MAPT: variants seen among roughly 807,000 people sequenced by gnomAD.
MAPT encodes the protein microtubule-associated protein tau.
MAPT carries 34 observed loss-of-function variants against 67.9 expected under a neutral mutation model. The observed-to-expected ratio is 0.50, with a 90% CI of 0.38 to 0.67. The LOEUF (loss-of-function observed/expected upper bound fraction) is 0.67. Ranked by LOEUF, MAPT falls within the 30% of genes least tolerant of loss-of-function variation. MAPT has a pLI of 0.00. For missense variants in MAPT, 881 were observed against 1,115.2 expected, an observed-to-expected ratio of 0.79 and a Z score of 2.99; for synonymous variants, 456 against 464.5, an observed-to-expected ratio of 0.98 and a Z score of 0.23.
chr17:46,004,756 A>G (rs1174213152), intron 9 of MAPT, among the ~76,000 whole-genome samples: 2 of 152,174 alleles, frequency 1.3e-5, no homozygotes, highest in African/African-American at 2.4e-5. Flanking sequence ...AAAAAGCCAC[A>G]TGGAAAAAAA....
intron 1 of MAPT, among the ~76,000 whole-genome samples, chr17:45,949,897 A>G (rs2068887952): frequency 1.3e-5 from 2 of 152,324 alleles, no homozygotes; most frequent in South Asian, 4.1e-4. Flanking sequence ...TGGGAAACCT[A>G]CAGACCTGCT....
chr17:46,021,479 G>C (rs1054860698), intron 12 of MAPT, among the ~76,000 whole-genome samples: 1 of 152,198 alleles, frequency 6.6e-6, no homozygotes, highest in African/African-American at 2.4e-5. Context: ...TGACTGAGTG[G>C]GTCTGGATAG....
chr17:45,945,905 A>C (rs2068432885), intron 1 of MAPT, among the ~76,000 whole-genome samples: 1 of 152,240 alleles, frequency 6.6e-6, no homozygotes, highest in Non-Finnish European at 1.5e-5. Flanking sequence ...ATATGGTGCC[A>C]TGTAGGGAAA....
intron 1 of MAPT, among the ~76,000 whole-genome samples, chr17:45,946,598 T>TAAA (rs763910082): frequency 4.3e-4 from 26 of 60,882 alleles, no homozygotes; most frequent in East Asian, 1.1e-3. Flanking sequence ...GACTCTGTCT[T>TAAA]AAAAAAAAAA....
intron 2 of MAPT, among the ~76,000 whole-genome samples, chr17:45,963,087 G>T (rs2070635830): frequency 6.6e-6 from 1 of 152,168 alleles, no homozygotes; most frequent in African/African-American, 2.4e-5. Flanking sequence ...GTATTGATTA[G>T]CATGTAAAAT....
chr17:46,003,892 A>G (rs1224197065), intron 9 of MAPT, among the ~76,000 whole-genome samples: 14 of 152,316 alleles, frequency 9.2e-5, no homozygotes, highest in South Asian at 2.1e-4. Context: ...TGGGTTCATC[A>G]CTGTTTAAAG....
intron 1 of MAPT, among the ~76,000 whole-genome samples, chr17:45,960,707 C>T (rs1160136011): frequency 6.6e-6 from 1 of 152,164 alleles, no homozygotes; most frequent in Non-Finnish European, 1.5e-5. Context: ...AATCCCAACA[C>T]TTTGAGAGGC....
In MAPT at chr17:46,010,573, G is replaced by A. The variant is rs2075757485; in HGVS notation, c.2091+171G>A. Among the ~76,000 whole-genome samples, 1 of 152,186 alleles carries A rather than the reference G, an allele frequency of 6.6e-6. No homozygotes were observed. The highest frequency in any genetic ancestry group is 2.4e-5 in the African/African-American group (1 of 41,460). ...CCGGCTCCCCACATTCCCCCACACG[G>A]TCCACTGTTCCCAGAAGCCCCTTCC... On this transcript the variant is annotated intron_variant, in intron 10 of 12. Transcript: ENST00000262410. This position sits in a 1 kb window ranked among gnomAD's most constrained non-coding sequence, Gnocchi z 4.7.
rs545570086 is a variant in MAPT at position 46,010,992 on chromosome 17, G to A, written c.2091+590G>A. On this transcript the variant is annotated intron_variant, in intron 10 of 12. Transcript: ENST00000262410. This position sits in a 1 kb window ranked among gnomAD's most constrained non-coding sequence, Gnocchi z 4.7. ...AGCCTCCAGCTTATGCTTAGCCTGC[G>A]CCACCCTCTGGCAGAGACTCCAGAT... Among the ~76,000 whole-genome samples the A allele has an allele frequency of 7.2e-5, 11 of 152,230 alleles. No individual in the cohort carries two copies. Among genetic ancestry groups the A allele is most frequent in the African/African-American group, 1.7e-4 (7 of 41,466 alleles).
In MAPT at chr17:45,990,018, C is replaced by G. The variant is rs556489804; in HGVS notation, c.1548C>G (p.Tyr516Ter). The G allele has an allele frequency of 1.1e-5, 18 of 1,614,148 alleles. No individual in the cohort carries two copies. The South Asian group carries it at 1.6e-4, about 15-fold the overall frequency. Reference protein sequence around the residue: ...VCPEPPSSPKYVSSVTSRTGS... With the variant: ...VCPEPPSSPK ...CAGAGCCACCTTCCTCTCCTAAATA[C>G]GTCTCTTCTGTCACTTCCCGAACTG... The change falls in exon 7 of 13, where the codon TAC becomes TAG. Residue 516 changes from tyrosine to a stop codon, truncating the protein, a stop_gained. Transcript: ENST00000262410. LOFTEE classifies it high-confidence loss of function.
chr17:45,945,810 C>T (rs1465427488), intron 1 of MAPT, among the ~76,000 whole-genome samples: 2 of 9,992 alleles, frequency 2.0e-4, no homozygotes, highest in African/African-American at 3.3e-4. Context: ...GAGACGCAAT[C>T]TCAAAAAAAA....
chr17:45,925,782 A>G (rs1003853473), intron 1 of MAPT, among the ~76,000 whole-genome samples: 2 of 152,256 alleles, frequency 1.3e-5, no homozygotes, highest in Admixed American at 1.3e-4. Flanking sequence ...GTACAAACAT[A>G]TTCATAGTGA....
At chr17:45,999,740 G>A in intron 9 of MAPT, 1 of 1,280,762 alleles carries the variant, frequency 7.8e-7, no homozygotes. Context: ...ATCTACTAAA[G>A]GGTTAAAGGA....
chr17:45,945,500 A>G (rs2068392077), intron 1 of MAPT, among the ~76,000 whole-genome samples: 1 of 152,194 alleles, frequency 6.6e-6, no homozygotes, highest in Non-Finnish European at 1.5e-5. Context: ...AATTATACCC[A>G]TTGGAGGTCA....
chr17:46,000,888 C>T (rs969882929), intron 9 of MAPT, among the ~76,000 whole-genome samples: 8 of 152,314 alleles, frequency 5.3e-5, no homozygotes, highest in African/African-American at 1.7e-4. Context: ...GTTTGGCCTG[C>T]GGGAGTGGGA....
At chr17:45,987,174 T>C (rs2073635339) in intron 6 of MAPT, 79 bp downstream of exon 6, 1 of 1,320,562 alleles carries the variant, frequency 7.6e-7, no homozygotes, top group South Asian at 1.2e-5. Context: ...TTCATTCTCA[T>C]ATATAATGTG....
At chr17:45,966,420 T>G (rs1350893093) in intron 2 of MAPT, among the ~76,000 whole-genome samples, 1 of 152,020 alleles carries the variant, frequency 6.6e-6, no homozygotes. Context: ...AAATCCTGTC[T>G]CTAAAAAAAA....
intron 1 of MAPT, among the ~76,000 whole-genome samples, chr17:45,939,173 G>A (rs1391295175): frequency 6.6e-6 from 1 of 151,984 alleles, no homozygotes; most frequent in Non-Finnish European, 1.5e-5. Flanking sequence ...TGTCTAGGCT[G>A]GTCTTGAACT....
chr17:45,951,957 G>T lies in MAPT; in HGVS notation c.-17-10364G>T, dbSNP rs2069129018. ...GAGGAAGGCTGATGGATTTAGAAAAGAAGAAAACAAGTGGTCTGAGGAAAA... is the reference window on the plus strand; with the variant it reads ...GAGGAAGGCTGATGGATTTAGAAAATAAGAAAACAAGTGGTCTGAGGAAAA... On this transcript the variant is annotated intron_variant, in intron 1 of 12. Coordinates refer to ENST00000262410, the MANE Select transcript of MAPT (RefSeq NM_001377265.1). 2.0e-5 allele frequency among the ~76,000 whole-genome samples: 3 copies of T among 152,150 alleles called. No homozygotes were observed. In the South Asian group the frequency reaches 6.2e-4, roughly 31 times the overall value.
Sources: gnomAD v4.1 joint callset for allele counts (sites outside exome capture counted in the v4.1 genomes callset) on GRCh38, gnomAD v4.1.1 for gene constraint, Gnocchi (gnomAD v3.1) non-coding constraint, MANE v1.5 for transcripts, NCBI Gene and HGNC (gene_info 2026-07-23, HGNC 2026-07-21) for gene names.